NPHP4: variants seen among roughly 807,000 people sequenced by gnomAD.
The protein encoded by NPHP4 is nephrocystin 4.
A neutral mutation model predicts 155.8 loss-of-function variants in NPHP4; 151 were observed. The observed-to-expected ratio is 0.97, with a 90% CI of 0.85 to 1.11. The LOEUF (loss-of-function observed/expected upper bound fraction) is 1.11, where lower values mean the gene tolerates loss of function less well. Among genes scored for constraint, NPHP4 ranks in the 50% least tolerant of loss-of-function variants. NPHP4 has a pLI of 0.00. For synonymous variants in NPHP4, 845 were observed against 816.8 expected, an observed-to-expected ratio of 1.03 and a Z score of -0.59; for missense variants, 1,956 against 1,925.7, an observed-to-expected ratio of 1.02 and a Z score of -0.29.
intron 1 of NPHP4, among the ~76,000 whole-genome samples, chr1:5,987,536 G>C (rs1655667237): frequency 6.6e-6 from 1 of 152,108 alleles, no homozygotes; most frequent in Non-Finnish European, 1.5e-5. Flanking sequence ...GGTTGAGTGA[G>C]GTCCTCCCAA....
intron 3 of NPHP4, among the ~76,000 whole-genome samples, chr1:5,973,236 A>G (rs1652915954): frequency 6.6e-6 from 1 of 152,188 alleles, no homozygotes; most frequent in Non-Finnish European, 1.5e-5. Context: ...AGTTTAAAGC[A>G]CTTGTCTGAA....
chr1:5,959,733 GTGA>G (rs1649951392), intron 6 of NPHP4, among the ~76,000 whole-genome samples: 2 of 152,002 alleles, frequency 1.3e-5, no homozygotes, highest in African/African-American at 2.4e-5. Flanking sequence ...TATCCACCAG[GTGA>G]CATCTCACAG....
rs144167042 is a variant in NPHP4, at chr1:5,908,672, C to T, written c.1503+480G>A. Among the ~76,000 whole-genome samples, 23 of 152,336 alleles carry T rather than the reference C, an allele frequency of 1.5e-4. 1 individual carries two copies. In the East Asian group the frequency reaches 3.1e-3, roughly 20 times the overall value. The stretch of plus-strand genomic sequence containing the variant: ...CGCCACGGGGATCTGTGCGGTCGGA[C>T]GTGCAACTGCCAGCAGCTTGTGGTT... On this transcript the variant is annotated intron_variant, in intron 12 of 29. Coordinates refer to ENST00000378156, the MANE Select transcript of NPHP4 (RefSeq NM_015102.5).
At chr1:5,933,779 G>A (rs1646398381) in intron 9 of NPHP4, among the ~76,000 whole-genome samples, 1 of 152,192 alleles carries the variant, frequency 6.6e-6, no homozygotes, top group African/African-American at 2.4e-5. Context: ...AAATAACGAA[G>A]AATGCACATG....
chr1:5,901,504 T>C (rs981094023), intron 16 of NPHP4, among the ~76,000 whole-genome samples: 8 of 152,242 alleles, frequency 5.3e-5, no homozygotes, highest in South Asian at 2.1e-4. Context: ...TAATTCATAA[T>C]GACAAGAAAA....
chr1:5,958,314 G>A (rs886968968), intron 6 of NPHP4, among the ~76,000 whole-genome samples: 2 of 152,232 alleles, frequency 1.3e-5, no homozygotes, highest in African/African-American at 4.8e-5. Flanking sequence ...GGGAGGCCAA[G>A]GCAGGTGCAT....
Position 5,948,140 on chromosome 1 carries a change from G to T in NPHP4, c.922C>A (p.Pro308Thr). 1 of 1,613,700 alleles carries T rather than the reference G, an allele frequency of 6.2e-7. No homozygotes were observed. Among genetic ancestry groups the T allele is most frequent in the Non-Finnish European group, 8.5e-7 (1 of 1,179,838 alleles). Residue 308 changes from proline to threonine, a missense_variant, in exon 8 of 30, where the codon CCT becomes ACT. Coordinates refer to ENST00000378156, the MANE Select transcript of NPHP4 (RefSeq NM_015102.5). ...CGCGTCAAGGCCACATCCATCTCAG[G>T]CACCAGTACAACGACCTGCGGCCTC... The part of the protein sequence containing the change: ...VQRPQVVVLV[P>T]EMDVALTRSA...
At position 5,986,203 on chromosome 1, in the gene NPHP4, C is replaced by T. The variant is rs1267598456; in HGVS notation, c.87G>A (p.Thr29=). The T allele has an allele frequency of 6.8e-6, 11 of 1,613,760 alleles. No individual in the cohort carries two copies. Among genetic ancestry groups the T allele is most frequent in the African/African-American group, 1.3e-5 (1 of 74,924 alleles). Residue 29 remains threonine (T), a synonymous_variant, in exon 2 of 30, where the codon ACG becomes ACA. Transcript: ENST00000378156. ...QRARQPWKES[T]AFQCVLKWLD... Reference sequence around the variant, plus strand: ...GCCACTTGAGGACACACTGGAATGCCGTGGATTCCTTCCAAGGCTGGCGCG... The same window carrying T: ...GCCACTTGAGGACACACTGGAATGCTGTGGATTCCTTCCAAGGCTGGCGCG...
chr1:5,887,597 A>G, intron 17 of NPHP4, 131 bp from the exon 18 acceptor site: 1 of 924,744 alleles, frequency 1.1e-6, no homozygotes, highest in Non-Finnish European at 1.6e-6. Flanking sequence ...GCGCAGGATA[A>G]GACCCTGCAC....
rs1641339766 is a variant in NPHP4 at position 5,867,274 on chromosome 1, C to T, written c.3473-159G>A. ...GACGCCGCCACCTTTCCCAGGACAGCATCCAAGCACTGTGTTCCCTGCATG... is the reference window on the plus strand; with the variant it reads ...GACGCCGCCACCTTTCCCAGGACAGTATCCAAGCACTGTGTTCCCTGCATG... On this transcript the variant is annotated intron_variant, in intron 24 of 29. Transcript: ENST00000378156. The surrounding 1 kb of genome is among the most constrained non-coding windows in gnomAD (Gnocchi z 4.1). 6.5e-6 allele frequency: 4 copies of T among 614,374 alleles called. No individual in the cohort carries two copies. Among genetic ancestry groups the T allele is most frequent in the Non-Finnish European group, 1.2e-5 (4 of 344,330 alleles). 38.1% of individuals were successfully genotyped at this position (614,374 alleles called of 1,614,324 possible).
At chr1:5,983,858 C>T (rs1655079041) in intron 2 of NPHP4, among the ~76,000 whole-genome samples, 1 of 152,144 alleles carries the variant, frequency 6.6e-6, no homozygotes, top group African/African-American at 2.4e-5. Context: ...GCTTTCTTTG[C>T]TTAGTATGTA....
At chr1:5,875,629 G>A (rs570841878) in intron 20 of NPHP4, among the ~76,000 whole-genome samples, 3 of 152,206 alleles carry the variant, frequency 2.0e-5, no homozygotes, top group South Asian at 2.1e-4. Context: ...GATGCCGCAG[G>A]GACTCAAGGG....
Position 5,866,444 on chromosome 1 carries a change from T to C in NPHP4, c.3573A>G (p.Pro1191=). The C allele has an allele frequency of 6.3e-7, 1 of 1,599,856 alleles. No individual in the cohort carries two copies. Among genetic ancestry groups the C allele is most frequent in the South Asian group, 1.1e-5 (1 of 88,704 alleles). The change falls in exon 26 of 30, where the codon CCA becomes CCG. Residue 1191 remains proline (P), a synonymous_variant. Transcript: ENST00000378156. ...TGGCCACCTTCAGAAATATGTCCCG[T>C]GGTTCCCCGGGGCCCTGCCAACCAG... The part of the protein sequence containing the change: ...CETQNVGPGE[P]RDIFLKVASG...
In NPHP4 at chr1:5,867,108, C is replaced by T. The variant is rs373955397; in HGVS notation, c.3480G>A (p.Pro1160=). 2.2e-5 allele frequency: 35 copies of T among 1,611,700 alleles called. No homozygotes were observed. Among genetic ancestry groups the T allele is most frequent in the Middle Eastern group, 1.6e-4 (1 of 6,062 alleles). The part of the protein sequence containing the change: ...LPPWHTFPGA[P]VGMLGEDPPV... ...GGGGGTCCTCACCAAGCATTCCCACCGGAGCACCTGGAGCAGGGGAAATGT... is the reference window on the plus strand; with the variant it reads ...GGGGGTCCTCACCAAGCATTCCCACTGGAGCACCTGGAGCAGGGGAAATGT... The change falls in exon 25 of 30, where the codon CCG becomes CCA. Residue 1160 remains proline, a synonymous_variant. Transcript: ENST00000378156. The surrounding 1 kb of genome is among the most constrained non-coding windows in gnomAD (Gnocchi z 4.1).
intron 9 of NPHP4, among the ~76,000 whole-genome samples, chr1:5,933,979 T>C (rs1333708584): frequency 6.6e-6 from 1 of 152,210 alleles, no homozygotes; most frequent in East Asian, 1.9e-4. Context: ...AACCAATCCC[T>C]TGGGTTACAA....
chr1:5,900,044 C>T (rs987822011), intron 16 of NPHP4, among the ~76,000 whole-genome samples: 4 of 152,188 alleles, frequency 2.6e-5, no homozygotes, highest in Non-Finnish European at 5.9e-5. Flanking sequence ...CGGCTAAAAT[C>T]CAAACCACTG....
At chr1:5,874,687 C>A (rs760751504) in intron 21 of NPHP4, 30 bp from the exon 22 acceptor site, 1 of 1,604,014 alleles carries the variant, frequency 6.2e-7, no homozygotes, top group Non-Finnish European at 8.5e-7. Flanking sequence ...GGCGTCAGGG[C>A]AGTTCTTCCC....
At chr1:5,933,737 A>G (rs1352498155) in intron 9 of NPHP4, among the ~76,000 whole-genome samples, 1 of 152,256 alleles carries the variant, frequency 6.6e-6, no homozygotes, top group Admixed American at 6.5e-5. Flanking sequence ...TACTAGGAAC[A>G]GCACTTTGAA....
intron 17 of NPHP4, among the ~76,000 whole-genome samples, chr1:5,888,037 G>A (rs1643911317): frequency 6.6e-6 from 1 of 152,302 alleles, no homozygotes; most frequent in Non-Finnish European, 1.5e-5. Flanking sequence ...GCATGGCTGG[G>A]GTAGAGGCCC....
Sources: gnomAD v4.1 joint callset for allele counts (sites outside exome capture counted in the v4.1 genomes callset) on GRCh38, gnomAD v4.1.1 for gene constraint, Gnocchi (gnomAD v3.1) non-coding constraint, MANE v1.5 for transcripts, NCBI Gene and HGNC (gene_info 2026-07-23, HGNC 2026-07-21) for gene names.